CNTN5: variants seen among roughly 807,000 people sequenced by gnomAD.
CNTN5 encodes the protein contactin-5.
A neutral mutation model predicts 129.1 loss-of-function variants in CNTN5; 77 were observed. The ratio of observed to expected loss-of-function variants is 0.60; its 90% CI spans 0.50 to 0.72. CNTN5 has a LOEUF of 0.72. Among genes scored for constraint, CNTN5 ranks in the 30% least tolerant of loss-of-function variants. The pLI is 0.00. For synonymous variants in CNTN5, 509 were observed against 465.6 expected (o/e 1.09, Z -1.20); for missense variants, 1,478 against 1,328.8 (o/e 1.11, Z -1.75).
chr11:99,633,930 C>A (rs147023059), intron 3 of CNTN5, among the ~76,000 whole-genome samples: 2 of 152,094 alleles, frequency 1.3e-5, no homozygotes, highest in Non-Finnish European at 1.5e-5. Flanking sequence ...CGTGTGCCAG[C>A]GGGCTGCAGA....
intron 23 of CNTN5, 103 bp downstream of exon 23, chr11:100,341,308 T>A (rs558053649): frequency 4.6e-5 from 36 of 783,838 alleles, no homozygotes; most frequent in Admixed American, 4.4e-4. Context: ...ACCAACCTAT[T>A]TTTTCTCAGT....
intron 13 of CNTN5, among the ~76,000 whole-genome samples, chr11:100,153,997 C>G (rs1947150510): frequency 6.6e-6 from 1 of 151,970 alleles, no homozygotes; most frequent in South Asian, 2.1e-4. Flanking sequence ...TTAAATATAG[C>G]AATTTTATCA....
intron 4 of CNTN5, chr11:99,844,462 A>G: frequency 3.6e-6 from 1 of 275,844 alleles, no homozygotes; most frequent in South Asian, 3.4e-5. Flanking sequence ...ATATTAATAT[A>G]TTACTTTTGC....
intron 1 of CNTN5, among the ~76,000 whole-genome samples, chr11:99,147,718 C>T (rs1168228377): frequency 4.6e-5 from 7 of 151,988 alleles, no homozygotes; most frequent in Admixed American, 3.9e-4. Flanking sequence ...TTTATTTCTC[C>T]TCTGATATTT....
intron 18 of CNTN5, among the ~76,000 whole-genome samples, chr11:100,286,447 C>G (rs2138841481): frequency 6.6e-6 from 1 of 151,340 alleles, no homozygotes; most frequent in African/African-American, 2.4e-5. Context: ...GGTCCCTGAC[C>G]CCTGACCCCC....
intron 7 of CNTN5, among the ~76,000 whole-genome samples, chr11:99,942,395 G>A (rs945116510): frequency 6.6e-6 from 1 of 151,876 alleles, no homozygotes; most frequent in African/African-American, 2.4e-5. Flanking sequence ...GAATGAAAAG[G>A]GGGAATATTA....
chr11:100,201,485 C>T (rs1036040366), intron 15 of CNTN5, among the ~76,000 whole-genome samples: 5 of 151,958 alleles, frequency 3.3e-5, no homozygotes, highest in East Asian at 3.9e-4. Context: ...GAAATGAGTA[C>T]CTAAATTATC....
intron 2 of CNTN5, among the ~76,000 whole-genome samples, chr11:99,431,162 A>G (rs2656206): frequency 0.51 from 77,642 of 151,916 alleles, 20,246 homozygotes; most frequent in East Asian, 0.66. Context: ...AACAACAACA[A>G]TGAAAATACA....
At chr11:100,136,599 T>C (rs1304259814) in intron 13 of CNTN5, among the ~76,000 whole-genome samples, 2 of 152,010 alleles carry the variant, frequency 1.3e-5, no homozygotes, top group Non-Finnish European at 2.9e-5. Flanking sequence ...AAAAATCATA[T>C]GAATAATAAA....
intron 3 of CNTN5, among the ~76,000 whole-genome samples, chr11:99,764,129 A>C (rs1256938662): frequency 6.6e-6 from 1 of 152,108 alleles, no homozygotes; most frequent in Non-Finnish European, 1.5e-5. Flanking sequence ...ATGATTTTAA[A>C]AATTATAGAC....
At chr11:99,481,102 T>A (rs10790741) in intron 2 of CNTN5, among the ~76,000 whole-genome samples, 30,133 of 149,798 alleles carry the variant, frequency 0.2, 3,387 homozygotes, top group East Asian at 0.5. Context: ...GATTGGCATT[T>A]AAAAAAAAAA....
chr11:99,106,027 T>C (rs891530664), intron 1 of CNTN5, among the ~76,000 whole-genome samples: 2 of 152,060 alleles, frequency 1.3e-5, no homozygotes, highest in Admixed American at 1.3e-4. Flanking sequence ...GTAAGGGGAG[T>C]ATCTGCAAAC....
chr11:99,656,918 C>G (rs957879648), intron 3 of CNTN5, among the ~76,000 whole-genome samples: 1 of 147,656 alleles, frequency 6.8e-6, no homozygotes, highest in African/African-American at 2.5e-5. Flanking sequence ...TACAGGAGTT[C>G]AGTATCTAAT....
At chr11:99,850,238 T>C (rs1029147013) in intron 6 of CNTN5, among the ~76,000 whole-genome samples, 2 of 152,130 alleles carry the variant, frequency 1.3e-5, no homozygotes, top group Non-Finnish European at 2.9e-5. Flanking sequence ...TAAAACCTTT[T>C]CCTCATAATT....
At chr11:100,110,629 G>T (rs112379906) in intron 13 of CNTN5, among the ~76,000 whole-genome samples, 310 of 152,202 alleles carry the variant, frequency 2.0e-3, no homozygotes, top group Non-Finnish European at 3.3e-3. Flanking sequence ...ATCCATAATA[G>T]AAACTATAAT....
chr11:99,252,268 T>C (rs1862145479), intron 1 of CNTN5, among the ~76,000 whole-genome samples: 1 of 151,984 alleles, frequency 6.6e-6, no homozygotes, highest in Non-Finnish European at 1.5e-5. Context: ...AGCTTATTTG[T>C]CGAGGCCAGG....
intron 1 of CNTN5, among the ~76,000 whole-genome samples, chr11:99,067,038 A>G (rs1383128404): frequency 6.6e-6 from 1 of 152,062 alleles, no homozygotes; most frequent in African/African-American, 2.4e-5. Context: ...CCTTCTTCCC[A>G]CTTATTTTCC....
intron 9 of CNTN5, among the ~76,000 whole-genome samples, chr11:100,013,451 G>C (rs770575): frequency 0.11 from 16,764 of 151,888 alleles, 1,071 homozygotes; most frequent in Middle Eastern, 0.24. Flanking sequence ...GGACATCAGT[G>C]GAACAAAAAA....
intron 1 of CNTN5, among the ~76,000 whole-genome samples, chr11:99,089,327 T>A (rs7925660): frequency 0.19 from 28,822 of 152,126 alleles, 3,587 homozygotes; most frequent in East Asian, 0.35. Flanking sequence ...ATTTATTATG[T>A]CTTGGCAAAC....
Sources: gnomAD v4.1 joint callset for allele counts (sites outside exome capture counted in the v4.1 genomes callset) on GRCh38, gnomAD v4.1.1 for gene constraint, MANE v1.5 for transcripts, NCBI Gene and HGNC (gene_info 2026-07-23, HGNC 2026-07-21) for gene names.